Variants in TBCK observed in about 807,000 individuals in gnomAD.
TBCK encodes the protein TBC1 domain containing kinase.
TBCK carries 99 observed loss-of-function variants against 113.4 expected under a neutral mutation model. The ratio of observed to expected loss-of-function variants is 0.87; its 90% confidence interval spans 0.74 to 1.03. The LOEUF (loss-of-function observed/expected upper bound fraction) is 1.03. Ranked by LOEUF, TBCK falls within the 50% of genes least tolerant of loss-of-function variation. The pLI, the probability that TBCK is intolerant of heterozygous loss-of-function variation, is 0.00. For missense variants in TBCK, 1,045 were observed against 1,061.3 expected (o/e 0.98, Z 0.21); for synonymous variants, 369 against 370.8 (o/e 1.00, Z 0.05).
At chr4:106,270,595 T>C (rs887084027) in intron 3 of TBCK, among the ~76,000 whole-genome samples, 9 of 152,136 alleles carry the variant, frequency 5.9e-5, no homozygotes, top group Admixed American at 1.3e-4. Flanking sequence ...TATATTGCCA[T>C]GTGAAAAAAA....
intron 23 of TBCK, among the ~76,000 whole-genome samples, chr4:106,154,586 G>A (rs978043941): frequency 2.6e-5 from 4 of 152,020 alleles, no homozygotes; most frequent in Admixed American, 6.6e-5. Flanking sequence ...TGTTGTCGTC[G>A]CAATAGTGAG....
At chr4:106,081,018 C>T (rs909419091) in intron 25 of TBCK, among the ~76,000 whole-genome samples, 5 of 152,142 alleles carry the variant, frequency 3.3e-5, no homozygotes, top group African/African-American at 1.2e-4. Flanking sequence ...AGTCAAACAA[C>T]ATATGCTGGC....
intron 18 of TBCK, among the ~76,000 whole-genome samples, chr4:106,230,988 T>C (rs1012012201): frequency 5.9e-5 from 9 of 151,802 alleles, no homozygotes; most frequent in Non-Finnish European, 8.9e-5. Context: ...TAAAAACAAT[T>C]CAAAGAGTAA....
chr4:106,137,306 ATAT>A (rs1457118332), intron 23 of TBCK, among the ~76,000 whole-genome samples: 2 of 141,070 alleles, frequency 1.4e-5, no homozygotes, highest in Non-Finnish European at 1.6e-5. Context: ...AAATTGTATA[ATAT>A]TAATAAGACT....
intron 23 of TBCK, among the ~76,000 whole-genome samples, chr4:106,131,440 C>T (rs966358762): frequency 1.3e-5 from 2 of 152,160 alleles, no homozygotes; most frequent in Admixed American, 6.5e-5. Flanking sequence ...TGGAGAAACC[C>T]CGTCTCTACT....
At chr4:106,088,084 A>G (rs746226819) in intron 25 of TBCK, among the ~76,000 whole-genome samples, 2 of 152,266 alleles carry the variant, frequency 1.3e-5, no homozygotes, top group Non-Finnish European at 2.9e-5. Flanking sequence ...AATTGTAACA[A>G]AAGCCAAAAT....
intron 20 of TBCK, among the ~76,000 whole-genome samples, chr4:106,205,811 TA>T (rs1271019264): frequency 6.6e-6 from 1 of 151,300 alleles, no homozygotes; most frequent in Non-Finnish European, 1.5e-5. Context: ...CTGAGAAGTT[TA>T]AGAAACTACC....
intron 3 of TBCK, among the ~76,000 whole-genome samples, chr4:106,289,902 G>A (rs1765513053): frequency 6.6e-6 from 1 of 152,044 alleles, no homozygotes; most frequent in Non-Finnish European, 1.5e-5. Flanking sequence ...TTACAGATAA[G>A]GAAAATGATT....
intron 24 of TBCK, among the ~76,000 whole-genome samples, chr4:106,096,012 T>C (rs10007746): frequency 1.2e-3 from 176 of 152,252 alleles, no homozygotes; most frequent in African/African-American, 4.1e-3. Flanking sequence ...TGCTGCTTCA[T>C]CTTTTTTTTT....
At chr4:106,241,287 A>G (rs1760104899) in intron 12 of TBCK, among the ~76,000 whole-genome samples, 1 of 151,974 alleles carries the variant, frequency 6.6e-6, no homozygotes, top group Non-Finnish European at 1.5e-5. Context: ...AGCATGTTCA[A>G]GAAATAAAAC....
intron 22 of TBCK, among the ~76,000 whole-genome samples, chr4:106,176,324 AT>A (rs935076186): frequency 1.3e-5 from 2 of 151,926 alleles, no homozygotes; most frequent in Non-Finnish European, 2.9e-5. Flanking sequence ...CTTCATCCCC[AT>A]CCCCCAGCCC....
chr4:106,218,851 C>G lies in TBCK; in HGVS notation c.1775-6016G>C, dbSNP rs1363862754. Among the ~76,000 whole-genome samples the G allele has an allele frequency of 1.5e-4, 21 of 140,334 alleles. No individual in the cohort carries two copies. In the East Asian group the frequency reaches 4.5e-3, roughly 30 times the overall value. 92.1% of individuals were successfully genotyped at this position (140,334 alleles called of 152,430 possible). The stretch of plus-strand genomic sequence containing the variant: ...TCTAGAACTAGAAATACCATTTGAC[C>G]CAGCCATCCCATTACTGGGTATATA... On this transcript the variant is annotated intron_variant, in intron 19 of 25. Coordinates refer to ENST00000394708, the MANE Select transcript of TBCK (RefSeq NM_001163435.3).
intron 22 of TBCK, 143 bp downstream of exon 22, chr4:106,193,466 G>A (rs1392498542): frequency 1.3e-6 from 1 of 774,744 alleles, no homozygotes; most frequent in African/African-American, 1.8e-5. Flanking sequence ...CAGTATATGA[G>A]AGAAAGAATC....
chr4:106,139,644 A>G (rs112896797), intron 23 of TBCK, among the ~76,000 whole-genome samples: 4,380 of 141,240 alleles, frequency 0.031, 547 homozygotes, highest in African/African-American at 0.1. Context: ...TTTTTATGAG[A>G]TCAGAAAGGT....
intron 25 of TBCK, among the ~76,000 whole-genome samples, chr4:106,073,959 A>G (rs764322933): frequency 6.6e-6 from 1 of 152,210 alleles, no homozygotes; most frequent in Non-Finnish European, 1.5e-5. Context: ...CCGTTTGCTA[A>G]GACCATTGGA....
In TBCK at chr4:106,116,324, A is replaced by C. The variant is rs755496714; in HGVS notation, c.2290T>G (p.Ser764Ala). 6.2e-7 allele frequency: 1 copy of C among 1,614,122 alleles called. No homozygotes were observed. Among genetic ancestry groups the C allele is most frequent in the Non-Finnish European group, 8.5e-7 (1 of 1,180,016 alleles). ...CACAAGTCAATCAGGTCCTCTGCTG[A>C]AATCCGTGGTGATACTTCTGACTTC... is the stretch of plus-strand genomic sequence containing the variant. ...DLKSEVSPRI[S>A]AEDLIDLCEL... The change falls in exon 24 of 26, where the codon TCA becomes GCA. Residue 764 changes from serine to alanine, a missense_variant. Ser to Ala is a moderately conservative substitution (Grantham distance 99). Transcript: ENST00000394708.
rs112294279 is a variant in TBCK at position 106,090,129 on chromosome 4, C to T, written c.2571+5353G>A. The stretch of plus-strand genomic sequence containing the variant: ...GCCTGGGTATCCAGACTTCCCCACA[C>T]GTGCTCTGGAATCCAGGTGGGAGTT... On this transcript the variant is annotated intron_variant, in intron 25 of 25. Coordinates refer to ENST00000394708, the MANE Select transcript of TBCK (RefSeq NM_001163435.3). 1.1e-4 allele frequency among the ~76,000 whole-genome samples: 17 copies of T among 152,364 alleles called. 1 individual carries two copies. The highest frequency in any genetic ancestry group is 3.4e-4 in the African/African-American group (14 of 41,592).
At chr4:106,120,387 G>T (rs1295328561) in intron 23 of TBCK, among the ~76,000 whole-genome samples, 1 of 152,140 alleles carries the variant, frequency 6.6e-6, no homozygotes, top group African/African-American at 2.4e-5. Flanking sequence ...CGAGGCTGGG[G>T]GAGGGGCGCC....
intron 25 of TBCK, among the ~76,000 whole-genome samples, chr4:106,047,935 A>C (rs1418447581): frequency 1.3e-5 from 2 of 152,122 alleles, no homozygotes; most frequent in East Asian, 3.9e-4. Flanking sequence ...ATCCTTCAAT[A>C]AAAATGACTA....
Sources: allele counts gnomAD v4.1 joint callset (sites outside exome capture counted in the v4.1 genomes callset), GRCh38; gene constraint gnomAD v4.1.1; transcripts MANE v1.5; gene names NCBI Gene and HGNC (gene_info 2026-07-23, HGNC 2026-07-21).